Variants in KCTD1 observed in about 807,000 individuals in gnomAD.
KCTD1 encodes potassium channel tetramerization domain containing 1.
A neutral mutation model predicts 66.0 loss-of-function variants in KCTD1; 24 were observed. That is an observed-to-expected ratio of 0.36 (90% confidence interval 0.26 to 0.51). The LOEUF is 0.51. Ranked by LOEUF, KCTD1 falls within the 20% of genes least tolerant of loss-of-function variation. The pLI is 0.95. For synonymous variants in KCTD1, 511 were observed against 517.2 expected (o/e 0.99, Z 0.16); for missense variants, 943 against 1,205.2 (o/e 0.78, Z 3.22).
chr18:26,655,178 A>AT (rs1382977958), intron 1 of KCTD1, among the ~76,000 whole-genome samples: 2 of 152,232 alleles, frequency 1.3e-5, no homozygotes. Flanking sequence ...CATTTGAGAT[A>AT]TACACAGAAA....
chr18:26,531,706 A>G (rs897655705), intron 1 of KCTD1, among the ~76,000 whole-genome samples: 1 of 152,206 alleles, frequency 6.6e-6, no homozygotes, highest in African/African-American at 2.4e-5. Context: ...CTGACCAGGT[A>G]TTCCTGGATC....
intron 1 of KCTD1, among the ~76,000 whole-genome samples, chr18:26,525,941 T>C (rs187668669): frequency 1.5e-4 from 23 of 152,232 alleles, no homozygotes; most frequent in Non-Finnish European, 2.9e-5. Flanking sequence ...CCCCCTAGGA[T>C]ATAAGCTCTT....
At chr18:26,606,098 G>A (rs1475982913) in intron 1 of KCTD1, among the ~76,000 whole-genome samples, 2 of 152,270 alleles carry the variant, frequency 1.3e-5, no homozygotes, top group African/African-American at 4.8e-5. Context: ...ATTGGCAATT[G>A]GTTGAAATAG....
chr18:26,526,379 G>A (rs763596676), intron 1 of KCTD1, among the ~76,000 whole-genome samples: 62 of 152,216 alleles, frequency 4.1e-4, no homozygotes, highest in Non-Finnish European at 7.9e-4. Flanking sequence ...ATCTAGACCC[G>A]GATTCGCACA....
chr18:26,490,873 C>T (rs111425584), intron 2 of KCTD1, among the ~76,000 whole-genome samples: 108 of 152,006 alleles, frequency 7.1e-4, no homozygotes, highest in African/African-American at 2.6e-3. Flanking sequence ...ATGCCTCAGC[C>T]TCCCGAGTAG....
intron 1 of KCTD1, chr18:26,599,672 G>A: frequency 3.4e-6 from 5 of 1,478,352 alleles, no homozygotes; most frequent in Non-Finnish European, 4.7e-6. Context: ...CCTTCGGCCT[G>A]GTGGATGTCT....
chr18:26,601,685 T>C (rs2144971534), intron 1 of KCTD1, among the ~76,000 whole-genome samples: 1 of 152,348 alleles, frequency 6.6e-6, no homozygotes, highest in Non-Finnish European at 1.5e-5. Flanking sequence ...TCTTTAATTT[T>C]CTTCAACATA....
intron 1 of KCTD1, among the ~76,000 whole-genome samples, chr18:26,637,336 C>T (rs969192493): frequency 2.0e-5 from 3 of 152,296 alleles, no homozygotes; most frequent in South Asian, 2.1e-4. Context: ...TAAACTTTGG[C>T]TTTATGTGAA....
At chr18:26,549,651 C>A (rs1442976815), upstream of KCTD1, 2 of 940,680 alleles carry the variant, frequency 2.1e-6, no homozygotes, top group African/African-American at 3.6e-5. Context: ...ATCGGGCAGG[C>A]GGAAAAAGCG....
upstream of KCTD1, among the ~76,000 whole-genome samples, chr18:26,640,771 C>T (rs931519620): frequency 3.3e-5 from 5 of 152,034 alleles, no homozygotes; most frequent in Non-Finnish European, 5.9e-5. Flanking sequence ...CAGGTAGACA[C>T]ACGCAGGCAG....
intron 1 of KCTD1, among the ~76,000 whole-genome samples, chr18:26,626,917 G>A (rs553867532): frequency 6.6e-6 from 1 of 152,248 alleles, no homozygotes; most frequent in Non-Finnish European, 1.5e-5. Context: ...GAGCCACTAC[G>A]GCTGAACAAA....
At chr18:26,656,985 C>G (rs1331756940) in intron 1 of KCTD1, among the ~76,000 whole-genome samples, 1 of 149,020 alleles carries the variant, frequency 6.7e-6, no homozygotes, top group African/African-American at 2.4e-5. Flanking sequence ...GGCTCTGGCA[C>G]GGGCTCCCAG....
chr18:26,532,261 C>CTT (rs533359603), intron 1 of KCTD1, among the ~76,000 whole-genome samples: 2,006 of 29,336 alleles, frequency 0.068, 135 homozygotes, highest in African/African-American at 0.099. Flanking sequence ...TTCTTTCCTT[C>CTT]TTTTTTTTTT....
chr18:26,596,635 T>C (rs1271389776), intron 1 of KCTD1, among the ~76,000 whole-genome samples: 1 of 152,220 alleles, frequency 6.6e-6, no homozygotes, highest in African/African-American at 2.4e-5. Flanking sequence ...AGCTGGGTAA[T>C]CTTGACTAAG....
intron 1 of KCTD1, among the ~76,000 whole-genome samples, chr18:26,530,787 G>T (rs766328583): frequency 6.6e-6 from 1 of 152,172 alleles, no homozygotes; most frequent in African/African-American, 2.4e-5. Context: ...TTTAAGGGAC[G>T]ATGTGGGTTT....
At chr18:26,514,373 T>G (rs1053533462) in intron 1 of KCTD1, among the ~76,000 whole-genome samples, 3 of 151,936 alleles carry the variant, frequency 2.0e-5, no homozygotes, top group Non-Finnish European at 4.4e-5. Context: ...GGCAACACAG[T>G]GAGACCCTGT....
intron 1 of KCTD1, among the ~76,000 whole-genome samples, chr18:26,538,392 G>T (rs1032120952): frequency 6.6e-6 from 1 of 152,100 alleles, no homozygotes; most frequent in African/African-American, 2.4e-5. Flanking sequence ...CACACGGATG[G>T]GCTTTTTTAG....
exon 1 of KCTD1, chr18:26,657,395 CCCTTTT>C: frequency 4.1e-6 from 4 of 985,782 alleles, no homozygotes; most frequent in South Asian, 9.4e-5. Flanking sequence ...TCTCCAAGTC[CCCTTTT>C]CCTTTTCCTC....
upstream of KCTD1, chr18:26,549,391 C>G (rs1304213598): frequency 1.0e-6 from 1 of 985,522 alleles, no homozygotes; most frequent in East Asian, 1.1e-4. Flanking sequence ...CATTAAAGAC[C>G]TGGGGCGCTC....
Sources: gnomAD v4.1 joint callset for allele counts (sites outside exome capture counted in the v4.1 genomes callset) on GRCh38, gnomAD v4.1.1 for gene constraint, MANE v1.5 for transcripts, NCBI Gene and HGNC (gene_info 2026-07-23, HGNC 2026-07-21) for gene names.